Variants in KLRG1 observed in about 807,000 individuals in gnomAD.
KLRG1 encodes the protein killer cell lectin like receptor G1, also known as killer cell lectin-like receptor subfamily G member 1.
A neutral mutation model predicts 21.8 loss-of-function variants in KLRG1; 16 were observed. The ratio of observed to expected loss-of-function variants is 0.73; its 90% CI spans 0.50 to 1.11. The LOEUF (loss-of-function observed/expected upper bound fraction) is 1.11, where lower values mean the gene tolerates loss of function less well. Among genes scored for constraint, KLRG1 ranks in the 50% most tolerant of loss-of-function variants. The probability of loss-of-function intolerance (pLI) is 0.00; values close to 1 mark genes in which losing one functional copy is unlikely to be tolerated. For missense variants in KLRG1, 173 were observed against 218.3 expected (o/e 0.79, Z 1.31); for synonymous variants, 69 against 75.9 (o/e 0.91, Z 0.47).
the KLRG1 span, among the ~76,000 whole-genome samples, chr12:9,060,422 T>C: frequency 1.3e-4 from 20 of 152,204 alleles, no homozygotes; most frequent in African/African-American, 4.6e-4. Flanking sequence ...GTGTGAATGG[T>C]TCTGAAAACT....
the KLRG1 span, chr12:9,116,122 G>A: frequency 4.7e-6 from 2 of 424,626 alleles, no homozygotes; most frequent in South Asian, 4.1e-5. Context: ...TCCCGTAAGA[G>A]CTCACTTTTA....
At chr12:9,051,476 G>A in the KLRG1 span, among the ~76,000 whole-genome samples, 1 of 152,128 alleles carries the variant, frequency 6.6e-6, no homozygotes, top group Non-Finnish European at 1.5e-5. Flanking sequence ...TTTCCAGGAG[G>A]CCAGCTGCGG....
chr12:8,955,042 G>A (rs934635354), intron 1 of KLRG1, among the ~76,000 whole-genome samples: 5 of 151,490 alleles, frequency 3.3e-5, no homozygotes, highest in African/African-American at 9.7e-5. Flanking sequence ...TCAGCCTCCC[G>A]AGTAGCTGGA....
chr12:9,068,371 T>C, the KLRG1 span: 1 of 807,510 alleles, frequency 1.2e-6, no homozygotes, highest in Admixed American at 2.6e-5. Flanking sequence ...TCATCTGATG[T>C]GTTGCTTGCT....
the KLRG1 span, chr12:9,090,596 A>G: frequency 9.3e-7 from 1 of 1,071,506 alleles, no homozygotes; most frequent in Non-Finnish European, 1.3e-6. Context: ...CACATTAAAG[A>G]TGATATAAAT....
the KLRG1 span, chr12:9,080,386 T>C: frequency 1.8e-3 from 669 of 365,004 alleles, 1 homozygote; most frequent in Non-Finnish European, 2.6e-3. Flanking sequence ...CAATGATCTT[T>C]TCAGTAATTT....
intron 1 of KLRG1, among the ~76,000 whole-genome samples, chr12:8,952,920 T>G (rs1041695964): frequency 6.6e-6 from 1 of 152,236 alleles, no homozygotes; most frequent in African/African-American, 2.4e-5. Flanking sequence ...TACTTGACTT[T>G]GAAATTTTGA....
the KLRG1 span, among the ~76,000 whole-genome samples, chr12:9,209,557 A>T: frequency 6.6e-6 from 1 of 152,124 alleles, no homozygotes; most frequent in African/African-American, 2.4e-5. Context: ...AAGAAATGAA[A>T]GATGGCAATG....
the KLRG1 span, chr12:9,098,804 C>G: frequency 6.3e-7 from 1 of 1,595,118 alleles, no homozygotes; most frequent in Admixed American, 1.7e-5. Flanking sequence ...CCAGGTTTAC[C>G]CATGCATTCA....
At chr12:9,008,905 C>T (rs997498421) in intron 3 of KLRG1, 70 bp from the exon 4 acceptor site, 20 of 983,620 alleles carry the variant, frequency 2.0e-5, no homozygotes, top group Non-Finnish European at 3.0e-5. Context: ...ATTAGGAATC[C>T]AATGTGGAAA....
chr12:9,025,347 G>A, the KLRG1 span, among the ~76,000 whole-genome samples: 1 of 152,130 alleles, frequency 6.6e-6, no homozygotes, highest in African/African-American at 2.4e-5. Flanking sequence ...AAAAATGCAT[G>A]TGGGTGTGGC....
chr12:8,980,707 G>A lies in KLRG1; in HGVS notation c.-155-11499G>A, dbSNP rs74060280. ...GCAGCATTCATCCTGGTTCCAGAGGGTGTGGCTGAGGCTCTAGCTTTGGAG... is the reference window on the plus strand; with the variant it reads ...GCAGCATTCATCCTGGTTCCAGAGGATGTGGCTGAGGCTCTAGCTTTGGAG... On this transcript the variant is annotated intron_variant, in intron 1 of 4. Transcript: ENST00000539240. Among the ~76,000 whole-genome samples, 831 of 152,318 alleles carry A rather than the reference G, an allele frequency of 5.5e-3. 6 individuals are homozygous for A. Among genetic ancestry groups the A allele is most frequent in the African/African-American group, 0.019 (797 of 41,568 alleles).
At chr12:9,076,626 C>CAAAATATATATGATATATAGAAAAG in the KLRG1 span, 1 of 798,030 alleles carries the variant, frequency 1.3e-6, no homozygotes, top group Non-Finnish European at 1.9e-6. Context: ...GCAATATGGA[C>CAAAATATATATGATATATAGAAAAG]AAAATATATA....
the KLRG1 span, chr12:9,113,682 G>C: frequency 5.1e-6 from 4 of 787,228 alleles, no homozygotes. Flanking sequence ...AAATTTGGCC[G>C]TTGAAGGCCA....
intron 3 of KLRG1, among the ~76,000 whole-genome samples, chr12:9,008,768 G>A (rs1344162152): frequency 2.0e-5 from 3 of 152,196 alleles, no homozygotes; most frequent in African/African-American, 7.2e-5. Flanking sequence ...TTCACCAGCA[G>A]ATTTCATCAC....
At chr12:9,003,944 A>G (rs1359794822) in intron 3 of KLRG1, among the ~76,000 whole-genome samples, 1 of 151,662 alleles carries the variant, frequency 6.6e-6, no homozygotes, top group African/African-American at 2.4e-5. Flanking sequence ...ATGAGTGAGA[A>G]CATGCGGTGT....
chr12:9,158,709 C>T, the KLRG1 span: 8 of 721,078 alleles, frequency 1.1e-5, no homozygotes, highest in South Asian at 8.4e-5. Flanking sequence ...AGTTTGGAGA[C>T]TTTTTCTTTT....
At chr12:9,011,399 A>C (rs972273012), downstream of KLRG1, among the ~76,000 whole-genome samples, 1 of 152,230 alleles carries the variant, frequency 6.6e-6, no homozygotes, top group African/African-American at 2.4e-5. Flanking sequence ...CTAGAAACTA[A>C]CATTTTTTGA....
the KLRG1 span, chr12:9,135,391 C>T: frequency 6.0e-6 from 2 of 335,594 alleles, no homozygotes; most frequent in Admixed American, 4.0e-5. Context: ...GACTCACGCT[C>T]ACCTCAACCT....
Sources: gnomAD v4.1 joint callset for allele counts (sites outside exome capture counted in the v4.1 genomes callset) on GRCh38, gnomAD v4.1.1 for gene constraint, MANE v1.5 for transcripts, NCBI Gene and HGNC (gene_info 2026-07-23, HGNC 2026-07-21) for gene names.